The following FGF14 variants were observed in gnomAD, a reference collection of about 807,000 sequenced individuals.
FGF14 encodes the protein fibroblast growth factor homologous factor 4.
In FGF14, 5 loss-of-function variants were observed where a neutral mutation model predicts 25.5. That is an observed-to-expected ratio of 0.20 (90% CI 0.10 to 0.41). The LOEUF is 0.41. Ranked by LOEUF, FGF14 falls within the 10% of genes least tolerant of loss-of-function variation. FGF14 has a pLI of 1.00. For synonymous variants in FGF14, 138 were observed against 118.3 expected, an observed-to-expected ratio of 1.17 and a Z score of -1.08; for missense variants, 222 against 320.1, an observed-to-expected ratio of 0.69 and a Z score of 2.34.
chr13:101,988,561 A>G (rs2038719396), intron 1 of FGF14, among the ~76,000 whole-genome samples: 2 of 152,072 alleles, frequency 1.3e-5, no homozygotes, highest in African/African-American at 4.8e-5. Context: ...TTGTAGGGAC[A>G]TGGATGAAGC....
At chr13:102,193,877 CA>C (rs2049228992) in intron 1 of FGF14, among the ~76,000 whole-genome samples, 1 of 139,578 alleles carries the variant, frequency 7.2e-6, no homozygotes, top group Admixed American at 7.5e-5. Context: ...GGCCCCAAAA[CA>C]AGGGGATAAA....
At chr13:101,971,230 T>C (rs918906019) in intron 1 of FGF14, among the ~76,000 whole-genome samples, 6 of 152,192 alleles carry the variant, frequency 3.9e-5, no homozygotes, top group Admixed American at 3.3e-4. Context: ...TTTAATTCTG[T>C]TCAGTGTTTT....
intron 1 of FGF14, among the ~76,000 whole-genome samples, chr13:102,228,213 T>C (rs1197389029): frequency 6.6e-6 from 1 of 152,226 alleles, no homozygotes; most frequent in African/African-American, 2.4e-5. Flanking sequence ...TCCTCAGGTA[T>C]GTTGGACAGT....
At chr13:102,250,780 G>C (rs1229684337) in intron 1 of FGF14, among the ~76,000 whole-genome samples, 2 of 152,138 alleles carry the variant, frequency 1.3e-5, no homozygotes, top group African/African-American at 4.8e-5. Flanking sequence ...CATTGTTCTA[G>C]ACATTTGGCA....
chr13:102,327,715 C>T (rs373535256), intron 1 of FGF14, among the ~76,000 whole-genome samples: 18 of 151,718 alleles, frequency 1.2e-4, no homozygotes, highest in South Asian at 1.0e-3. Flanking sequence ...AGTGCATGCC[C>T]GTGGCCCCAG....
chr13:102,389,973 T>C (rs1444710243), intron 1 of FGF14, among the ~76,000 whole-genome samples: 2 of 152,228 alleles, frequency 1.3e-5, no homozygotes, highest in Non-Finnish European at 2.9e-5. Context: ...CTGAAATTTT[T>C]AGATGTTAGG....
At chr13:102,138,931 T>A (rs2046520812) in intron 1 of FGF14, among the ~76,000 whole-genome samples, 1 of 152,234 alleles carries the variant, frequency 6.6e-6, no homozygotes, top group Non-Finnish European at 1.5e-5. Flanking sequence ...TGATCAAATG[T>A]AAAAGCTATG....
rs973540867 is a variant in FGF14, at chr13:101,722,041, G to GAAACT, written c.*785_*789dup. 1.3e-5 allele frequency: 2 copies of GAAACT among 152,120 alleles called. No individual in the cohort carries two copies. The highest frequency in any genetic ancestry group is 4.8e-5 in the African/African-American group (2 of 41,352). 9.4% of individuals were successfully genotyped at this position (152,120 alleles called of 1,614,324 possible). On this transcript the variant is annotated 3_prime_UTR_variant, in exon 5 of 5. Coordinates refer to ENST00000376143, the MANE Select transcript of FGF14 (RefSeq NM_004115.4). ...TATGTATAAAACACACACACACAAAGAAACTAGAGGGGGATGTCAAACACA... is the reference window on the plus strand; with the variant it reads ...TATGTATAAAACACACACACACAAAGAAACTAAACTAGAGGGGGATGTCAAACACA...
At chr13:102,161,654 A>C (rs867087050) in intron 1 of FGF14, among the ~76,000 whole-genome samples, 3 of 14,974 alleles carry the variant, frequency 2.0e-4, no homozygotes, top group Non-Finnish European at 3.9e-4. Flanking sequence ...AAGAAGAAGA[A>C]GAAGAAGAAG....
chr13:101,899,402 T>C (rs1341260096), intron 1 of FGF14, among the ~76,000 whole-genome samples: 2 of 151,728 alleles, frequency 1.3e-5, no homozygotes, highest in Admixed American at 6.6e-5. Context: ...ATCAAGTAAA[T>C]GATGGAGATA....
chr13:101,906,182 T>C (rs147513020), intron 1 of FGF14, among the ~76,000 whole-genome samples: 2 of 152,206 alleles, frequency 1.3e-5, no homozygotes, highest in Non-Finnish European at 2.9e-5. Context: ...CAGTCTTCTC[T>C]ACCCCAAGTT....
chr13:102,294,862 C>G (rs1364437975), intron 1 of FGF14, among the ~76,000 whole-genome samples: 1 of 152,166 alleles, frequency 6.6e-6, no homozygotes, highest in Non-Finnish European at 1.5e-5. Context: ...TGATCTACCT[C>G]CTGAGGTTAC....
At chr13:102,289,510 T>A (rs1258581392) in intron 1 of FGF14, among the ~76,000 whole-genome samples, 2 of 152,196 alleles carry the variant, frequency 1.3e-5, no homozygotes, top group African/African-American at 2.4e-5. Flanking sequence ...AGGATGGCTA[T>A]GTTATGATAA....
At chr13:102,133,236 T>A (rs2046274486) in intron 1 of FGF14, among the ~76,000 whole-genome samples, 1 of 152,232 alleles carries the variant, frequency 6.6e-6, no homozygotes, top group Non-Finnish European at 1.5e-5. Context: ...TCCAAATAGC[T>A]TTTTGATCAT....
intron 1 of FGF14, among the ~76,000 whole-genome samples, chr13:102,185,565 T>C (rs888922203): frequency 5.3e-5 from 8 of 152,194 alleles, no homozygotes; most frequent in Non-Finnish European, 1.0e-4. Flanking sequence ...TAATAAACTA[T>C]ATCAGATACA....
At chr13:102,064,607 T>C (rs1055923842) in intron 1 of FGF14, among the ~76,000 whole-genome samples, 1 of 151,962 alleles carries the variant, frequency 6.6e-6, no homozygotes, top group Non-Finnish European at 1.5e-5. Context: ...AATAAAGGCA[T>C]TTTCTATAGC....
At chr13:101,851,281 C>T (rs2043834067) in intron 3 of FGF14, among the ~76,000 whole-genome samples, 1 of 151,952 alleles carries the variant, frequency 6.6e-6, no homozygotes. Context: ...CAGGATGGTG[C>T]TTCTACCAGT....
chr13:102,326,611 AGGAAGGAG>A (rs1178632081), intron 1 of FGF14, among the ~76,000 whole-genome samples: 3 of 143,538 alleles, frequency 2.1e-5, no homozygotes, highest in South Asian at 2.5e-4. Flanking sequence ...TCAAAAAGGA[AGGAAGGAG>A]GGAAGGAGGG....
At chr13:101,957,552 T>C (rs2036587600) in intron 1 of FGF14, among the ~76,000 whole-genome samples, 1 of 152,180 alleles carries the variant, frequency 6.6e-6, no homozygotes, top group Non-Finnish European at 1.5e-5. Context: ...ATTCTCGATC[T>C]TGTTCAACCC....
Sources: allele counts gnomAD v4.1 joint callset (sites outside exome capture counted in the v4.1 genomes callset), GRCh38; gene constraint gnomAD v4.1.1; transcripts MANE v1.5; gene names NCBI Gene and HGNC (gene_info 2026-07-23, HGNC 2026-07-21).